Variants in AGPS observed in about 807,000 individuals in gnomAD.
AGPS encodes the protein alkyldihydroxyacetonephosphate synthase, peroxisomal.
In AGPS, 26 loss-of-function variants were observed where a neutral mutation model predicts 90.7. The ratio of observed to expected loss-of-function variants is 0.29; its 90% CI spans 0.21 to 0.40. The LOEUF is 0.40. AGPS is among the 10% of genes least tolerant of loss of function. The probability of loss-of-function intolerance (pLI) is 1.00; values close to 1 mark genes in which losing one functional copy is unlikely to be tolerated. For missense variants in AGPS, 540 were observed against 816.1 expected, an observed-to-expected ratio of 0.66 and a Z score of 4.12; for synonymous variants, 294 against 285.3, an observed-to-expected ratio of 1.03 and a Z score of -0.31.
rs764108770 is a variant in AGPS at position 177,440,945 on chromosome 2, AT to A, written c.638-16del. 2 of 1,604,232 alleles carry A rather than the reference AT, an allele frequency of 1.2e-6. No homozygotes were observed. The highest frequency in any genetic ancestry group is 3.3e-5 in the Admixed American group (2 of 59,928). ...TTATTTATGCCTCTGTAATTAATTTATTTTCCCTTTTTTCAACAGCATGCCA... is the reference window on the plus strand; with the variant it reads ...TTATTTATGCCTCTGTAATTAATTTATTTCCCTTTTTTCAACAGCATGCCA... On this transcript the variant is annotated intron_variant, in intron 5 of 19. Coordinates refer to ENST00000264167, the MANE Select transcript of AGPS (RefSeq NM_003659.4).
chr2:177,506,395 T>G (rs1338864301), intron 15 of AGPS, among the ~76,000 whole-genome samples: 1 of 151,772 alleles, frequency 6.6e-6, no homozygotes, highest in Admixed American at 6.6e-5. Flanking sequence ...TCAGGGTACG[T>G]ATGATATTTT....
intron 9 of AGPS, among the ~76,000 whole-genome samples, chr2:177,466,599 T>A (rs1170528730): frequency 6.6e-6 from 1 of 152,186 alleles, no homozygotes; most frequent in East Asian, 1.9e-4. Context: ...CCAGCACTTA[T>A]CCTCCCTTCT....
intron 5 of AGPS, among the ~76,000 whole-genome samples, chr2:177,439,147 T>C (rs1186597401): frequency 6.6e-6 from 1 of 152,218 alleles, no homozygotes; most frequent in African/African-American, 2.4e-5. Context: ...TTATTTTCAG[T>C]GGCTTAAACA....
chr2:177,393,291 C>T (rs1289838050), intron 1 of AGPS: 13 of 985,264 alleles, frequency 1.3e-5, no homozygotes, highest in Non-Finnish European at 1.6e-5. Flanking sequence ...TTGAAGAACT[C>T]TCGTTGGAGA....
intron 1 of AGPS, among the ~76,000 whole-genome samples, chr2:177,404,362 A>C (rs1257295597): frequency 6.6e-6 from 1 of 152,180 alleles, no homozygotes; most frequent in Non-Finnish European, 1.5e-5. Context: ...AATAATGTAC[A>C]TTCCGTGCTT....
intron 2 of AGPS, among the ~76,000 whole-genome samples, chr2:177,428,933 C>T (rs1233862721): frequency 6.6e-6 from 1 of 152,140 alleles, no homozygotes; most frequent in Non-Finnish European, 1.5e-5. Flanking sequence ...CCATTCTCTC[C>T]ATCTCTTTCG....
intron 8 of AGPS, among the ~76,000 whole-genome samples, chr2:177,449,868 C>A (rs374065470): frequency 2.0e-5 from 3 of 150,500 alleles, no homozygotes; most frequent in African/African-American, 7.3e-5. Flanking sequence ...GATGGAGTGT[C>A]GCTCTGTTGT....
At chr2:177,490,725 G>A (rs1304588824) in intron 11 of AGPS, among the ~76,000 whole-genome samples, 1 of 151,572 alleles carries the variant, frequency 6.6e-6, no homozygotes, top group Non-Finnish European at 1.5e-5. Flanking sequence ...CAGAAAATTT[G>A]AAAGACTGGT....
chr2:177,409,760 G>A (rs1228279922), intron 1 of AGPS, among the ~76,000 whole-genome samples: 1 of 152,150 alleles, frequency 6.6e-6, no homozygotes, highest in Admixed American at 6.5e-5. Context: ...GTCCGCAGTA[G>A]TTCAAATGCA....
At position 177,524,581 on chromosome 2, in the gene AGPS, T is replaced by C. The variant is rs181517884; in HGVS notation, c.1855+776T>C. ...TTTAAATAGTTTTTAGGAAGCACAG[T>C]GACAATAACCACCTAATTTAAAAAT... On this transcript the variant is annotated intron_variant, in intron 19 of 19. Transcript: ENST00000264167. 2.6e-3 allele frequency among the ~76,000 whole-genome samples: 402 copies of C among 151,728 alleles called. 3 individuals carry two copies. The highest frequency in any genetic ancestry group is 6.8e-3 in the Middle Eastern group (2 of 294).
chr2:177,487,467 GT>G (rs1688129455), intron 11 of AGPS, among the ~76,000 whole-genome samples: 1 of 151,976 alleles, frequency 6.6e-6, no homozygotes, highest in African/African-American at 2.4e-5. Context: ...AAGGTTTGGG[GT>G]TTTTTGTTTG....
In AGPS at chr2:177,436,899, A is replaced by G. The variant is rs369060661; in HGVS notation, c.562+15A>G. 6.2e-7 allele frequency: 1 copy of G among 1,611,944 alleles called. No homozygotes were observed. The highest frequency in any genetic ancestry group is 8.5e-7 in the Non-Finnish European group (1 of 1,178,586). ...TAGAGCTCATGGTAAGTTACTTTAT[A>G]TTAGCCCTATTTATTTTTAACAAAA... On this transcript the variant is annotated intron_variant, in intron 4 of 19. Transcript: ENST00000264167.
intron 16 of AGPS, among the ~76,000 whole-genome samples, chr2:177,511,814 A>G (rs920588176): frequency 6.6e-6 from 1 of 152,228 alleles, no homozygotes; most frequent in Admixed American, 6.5e-5. Flanking sequence ...AAAGTGTCCC[A>G]TTGTGGGTTA....
At chr2:177,470,710 C>CA (rs369412625) in intron 10 of AGPS, among the ~76,000 whole-genome samples, 74,918 of 108,312 alleles carry the variant, frequency 0.69, 24,967 homozygotes, top group Admixed American at 0.76. Flanking sequence ...GACTTTGTCT[C>CA]AAAAAAAAAA....
chr2:177,466,775 C>T (rs897045728), intron 9 of AGPS, among the ~76,000 whole-genome samples: 11 of 152,170 alleles, frequency 7.2e-5, no homozygotes, highest in African/African-American at 1.4e-4. Context: ...AGAAGCCAGG[C>T]GGTGGAAGCA....
chr2:177,426,481 A>C (rs919060500), intron 2 of AGPS, among the ~76,000 whole-genome samples: 1 of 152,190 alleles, frequency 6.6e-6, no homozygotes, highest in Non-Finnish European at 1.5e-5. Context: ...GTTTTCGAGG[A>C]GAATGCTTCC....
At chr2:177,491,197 C>T (rs900975885) in intron 11 of AGPS, among the ~76,000 whole-genome samples, 9 of 151,838 alleles carry the variant, frequency 5.9e-5, no homozygotes, top group African/African-American at 7.3e-5. Flanking sequence ...ACATCAGCAC[C>T]GTCTCCTAAA....
intron 1 of AGPS, among the ~76,000 whole-genome samples, chr2:177,413,086 T>C (rs1047077869): frequency 8.6e-5 from 13 of 151,548 alleles, no homozygotes; most frequent in Non-Finnish European, 1.6e-4. Flanking sequence ...ACCAGAAGAG[T>C]ATGCAGTTGC....
intron 1 of AGPS, among the ~76,000 whole-genome samples, chr2:177,414,060 C>G (rs987762803): frequency 6.6e-6 from 1 of 152,068 alleles, no homozygotes; most frequent in Non-Finnish European, 1.5e-5. Context: ...TCTTGCCCCC[C>G]GCCCCTTTCC....
Sources: gnomAD v4.1 joint callset for allele counts (sites outside exome capture counted in the v4.1 genomes callset) on GRCh38, gnomAD v4.1.1 for gene constraint, MANE v1.5 for transcripts, NCBI Gene and HGNC (gene_info 2026-07-23, HGNC 2026-07-21) for gene names.